The following TNNI3K variants were observed in gnomAD, a reference collection of about 807,000 sequenced individuals.
The protein encoded by TNNI3K is serine/threonine-protein kinase TNNI3K.
TNNI3K carries 140 observed loss-of-function variants against 114.5 expected under a neutral mutation model. That is an observed-to-expected ratio of 1.22 (90% CI 1.07 to 1.41). The LOEUF (loss-of-function observed/expected upper bound fraction) is 1.41, where lower values mean the gene tolerates loss of function less well. TNNI3K is among the 40% of genes most tolerant of loss of function. The pLI, the probability that TNNI3K is intolerant of heterozygous loss-of-function variation, is 0.00. For synonymous variants in TNNI3K, 347 were observed against 347.5 expected, an observed-to-expected ratio of 1.00 and a Z score of 0.02; for missense variants, 1,125 against 1,007.6, an observed-to-expected ratio of 1.12 and a Z score of -1.58.
intron 20 of TNNI3K, among the ~76,000 whole-genome samples, chr1:74,457,743 G>A (rs1344691178): frequency 6.6e-6 from 1 of 152,080 alleles, no homozygotes; most frequent in Non-Finnish European, 1.5e-5. Flanking sequence ...ACAGTGAAAG[G>A]TTACTTTAGG....
chr1:74,271,893 A>G (rs949512026), intron 5 of TNNI3K, among the ~76,000 whole-genome samples, 185 bp downstream of exon 5: 1 of 151,958 alleles, frequency 6.6e-6, no homozygotes, highest in Admixed American at 6.6e-5. Flanking sequence ...TCAATTTTCT[A>G]ACAGTGTATT....
At position 74,326,211 on chromosome 1, in the gene TNNI3K, G is replaced by T. The variant is rs1171680614; in HGVS notation, c.445-5239G>T. Among the ~76,000 whole-genome samples, 5 of 152,106 alleles carry T rather than the reference G, an allele frequency of 3.3e-5. No homozygotes were observed. The South Asian group carries it at 1.0e-3, about 31-fold the overall frequency. The stretch of plus-strand genomic sequence containing the variant: ...TGCTAGGTATGAGACACTGTATTTG[G>T]TTTGGCAATTTCAACTGAGATTGAT... On this transcript the variant is annotated intron_variant, in intron 5 of 24. Coordinates refer to ENST00000326637, the MANE Select transcript of TNNI3K (RefSeq NM_015978.3).
At chr1:74,493,160 T>C (rs1185576727) in intron 23 of TNNI3K, among the ~76,000 whole-genome samples, 2 of 152,136 alleles carry the variant, frequency 1.3e-5, no homozygotes, top group East Asian at 3.9e-4. Context: ...TAGCAATAGG[T>C]AAATCTATAA....
At chr1:74,349,864 CCTT>C in intron 9 of TNNI3K, among the ~76,000 whole-genome samples, 1 of 152,058 alleles carries the variant, frequency 6.6e-6, no homozygotes, top group Non-Finnish European at 1.5e-5. Flanking sequence ...TTCCCTCTTT[CCTT>C]CTTTATTAGT....
At chr1:74,424,656 C>G (rs962964785) in intron 17 of TNNI3K, among the ~76,000 whole-genome samples, 3 of 146,222 alleles carry the variant, frequency 2.1e-5, no homozygotes, top group African/African-American at 7.5e-5. Flanking sequence ...GAGGCGGAGG[C>G]TGCAATGAGT....
At chr1:74,436,602 G>A in intron 19 of TNNI3K, 76 bp downstream of exon 19, 1 of 1,468,666 alleles carries the variant, frequency 6.8e-7, no homozygotes, top group Non-Finnish European at 9.1e-7. Flanking sequence ...GACGTAAGAT[G>A]AGAGCAGTTT....
intron 18 of TNNI3K, 133 bp from the exon 19 acceptor site, chr1:74,436,341 C>G: frequency 8.1e-7 from 1 of 1,232,670 alleles, no homozygotes; most frequent in Non-Finnish European, 1.1e-6. Flanking sequence ...TCTTTCTTAT[C>G]TCCAGCCAAG....
intron 20 of TNNI3K, among the ~76,000 whole-genome samples, chr1:74,458,259 C>T (rs892229102): frequency 2.6e-5 from 4 of 152,146 alleles, no homozygotes; most frequent in Non-Finnish European, 5.9e-5. Context: ...GGTTCTCTGT[C>T]TTCAAAGCCC....
chr1:74,365,250 A>G (rs1208892904), intron 11 of TNNI3K, among the ~76,000 whole-genome samples: 3 of 152,146 alleles, frequency 2.0e-5, no homozygotes, highest in Middle Eastern at 3.4e-3. Context: ...AAAACAGATC[A>G]TATCCTTTAA....
chr1:74,516,034 A>G (rs1646343125), intron 23 of TNNI3K, among the ~76,000 whole-genome samples: 1 of 152,206 alleles, frequency 6.6e-6, no homozygotes, highest in Non-Finnish European at 1.5e-5. Flanking sequence ...CTAGAGGGGA[A>G]GGAAAGGACA....
chr1:74,370,046 A>G (rs750923353), intron 16 of TNNI3K: 172 of 287,880 alleles, frequency 6.0e-4, no homozygotes, highest in Non-Finnish European at 9.1e-4. Flanking sequence ...GTATAGTATT[A>G]TAAATAAATT....
chr1:74,499,125 A>G (rs1669480170), intron 23 of TNNI3K, among the ~76,000 whole-genome samples: 1 of 152,188 alleles, frequency 6.6e-6, no homozygotes, highest in Non-Finnish European at 1.5e-5. Flanking sequence ...CTGGGTTACA[A>G]GGGACAACCA....
chr1:74,446,534 C>T (rs919906319), intron 20 of TNNI3K, among the ~76,000 whole-genome samples: 1 of 147,618 alleles, frequency 6.8e-6, no homozygotes, highest in African/African-American at 2.6e-5. Flanking sequence ...TGCAGAAGCT[C>T]TTTATTTTAA....
intron 21 of TNNI3K, chr1:74,470,860 A>G (rs1027512150): frequency 1.0e-5 from 4 of 400,584 alleles, no homozygotes; most frequent in African/African-American, 6.2e-5. Context: ...GGACAAAGAA[A>G]ACTGATTTAA....
chr1:74,283,251 G>C (rs905986449), intron 5 of TNNI3K, among the ~76,000 whole-genome samples: 2 of 152,084 alleles, frequency 1.3e-5, no homozygotes, highest in Non-Finnish European at 1.5e-5. Flanking sequence ...CCCCATTACT[G>C]AGTGTGCCCT....
At chr1:74,269,459 G>A (rs577537455) in intron 4 of TNNI3K, among the ~76,000 whole-genome samples, 4 of 151,948 alleles carry the variant, frequency 2.6e-5, no homozygotes, top group African/African-American at 7.2e-5. Context: ...GTAGGAAAAT[G>A]TATCTAATTG....
At chr1:74,381,120 A>G (rs1469486460) in intron 17 of TNNI3K, among the ~76,000 whole-genome samples, 1 of 152,172 alleles carries the variant, frequency 6.6e-6, no homozygotes, top group Non-Finnish European at 1.5e-5. Flanking sequence ...TTTCTAAATA[A>G]TGTTAATCTT....
At chr1:74,335,752 G>A (rs985779248) in intron 6 of TNNI3K, among the ~76,000 whole-genome samples, 1 of 152,128 alleles carries the variant, frequency 6.6e-6, no homozygotes, top group Non-Finnish European at 1.5e-5. Context: ...TGTAATGGCT[G>A]GAGATGCTGC....
At chr1:74,482,064 T>G (rs916614334) in intron 21 of TNNI3K, among the ~76,000 whole-genome samples, 4 of 152,226 alleles carry the variant, frequency 2.6e-5, no homozygotes, top group Admixed American at 2.0e-4. Flanking sequence ...CATTTATGAT[T>G]GATTATTTGG....
Sources: allele counts gnomAD v4.1 joint callset (sites outside exome capture counted in the v4.1 genomes callset), GRCh38; gene constraint gnomAD v4.1.1; transcripts MANE v1.5; gene names NCBI Gene and HGNC (gene_info 2026-07-23, HGNC 2026-07-21).